Variants in BCCIP observed in about 807,000 individuals in gnomAD.
BCCIP encodes BRCA2 and CDKN1A-interacting protein.
A neutral mutation model predicts 32.8 loss-of-function variants in BCCIP; 23 were observed. The ratio of observed to expected loss-of-function variants is 0.70; its 90% CI spans 0.51 to 0.99. The LOEUF (loss-of-function observed/expected upper bound fraction) is 0.99, where lower values mean the gene tolerates loss of function less well. Ranked by LOEUF, BCCIP falls within the 50% of genes least tolerant of loss-of-function variation. BCCIP has a pLI of 0.00. For synonymous variants in BCCIP, 144 were observed against 137.6 expected (o/e 1.05, Z -0.33); for missense variants, 378 against 379.8 (o/e 1.00, Z 0.04).
intron 7 of BCCIP, among the ~76,000 whole-genome samples, chr10:125,850,394 G>C (rs1391442658): frequency 6.2e-5 from 5 of 81,160 alleles, no homozygotes; most frequent in Non-Finnish European, 1.2e-4. Flanking sequence ...TTTTGCTCTT[G>C]TTGCCCAGGC....
intron 6 of BCCIP, 36 bp from the exon 7 acceptor site, chr10:125,836,068 C>A: frequency 6.4e-7 from 1 of 1,564,554 alleles, no homozygotes; most frequent in Non-Finnish European, 8.8e-7. Context: ...TTTGGGTTGT[C>A]CCGATTTTTA....
exon 7 of BCCIP, chr10:125,841,736 A>C: frequency 6.2e-7 from 1 of 1,604,716 alleles, no homozygotes; most frequent in Non-Finnish European, 8.5e-7. Flanking sequence ...ATAGTCATTA[A>C]GGATACCTGT....
At chr10:125,828,468 A>G (rs1011723676) in intron 3 of BCCIP, among the ~76,000 whole-genome samples, 8 of 152,206 alleles carry the variant, frequency 5.3e-5, no homozygotes, top group Non-Finnish European at 1.0e-4. Context: ...GAGTAATATA[A>G]GTGGCAGAGC....
At chr10:125,836,051 T>A in intron 6 of BCCIP, 53 bp from the exon 7 acceptor site, 1 of 1,489,590 alleles carries the variant, frequency 6.7e-7, no homozygotes, top group Non-Finnish European at 9.3e-7. Context: ...ATCAAATGGG[T>A]TTTGTCTTTG....
chr10:125,838,960 T>C, downstream of BCCIP: 2 of 1,573,048 alleles, frequency 1.3e-6, no homozygotes, highest in Non-Finnish European at 1.7e-6. Flanking sequence ...GTATGTGCAA[T>C]TCAGCAGAGC....
rs187927472 is a variant in BCCIP, at chr10:125,825,997, G to A, written c.166-594G>A. 236 of 153,848 alleles carry A rather than the reference G, an allele frequency of 1.5e-3. 1 individual carries two copies. Among genetic ancestry groups the A allele is most frequent in the Non-Finnish European group, 2.7e-3 (186 of 69,440 alleles). 9.5% of individuals were successfully genotyped at this position (153,848 alleles called of 1,614,324 possible). On this transcript the variant is annotated intron_variant, in intron 1 of 6. Transcript: ENST00000278100. ...CCAGGAACTCTCTTTGCTGTTTCTC[G>A]GTTTCTTGCTCAAATGTCACTTCAA...
chr10:125,831,534 G>C lies in BCCIP; in HGVS notation c.526G>C (p.Val176Leu). The part of the protein sequence containing the change: ...DKFLNDTTKP[V>L]GLLLSERFIN... ...GTTTTTAAATGACACCACCAAGCCT[G>C]TGGGCCTTCTCCTAAGTGAAAGATT... Residue 176 changes from valine to leucine, a missense_variant, in exon 5 of 7, where the codon GTG becomes CTG. Coordinates refer to ENST00000278100, the MANE Select transcript of BCCIP (RefSeq NM_078468.3). 1 of 1,614,204 alleles carries C rather than the reference G, an allele frequency of 6.2e-7. No individual in the cohort carries two copies. The highest frequency in any genetic ancestry group is 8.5e-7 in the Non-Finnish European group (1 of 1,180,022).
chr10:125,840,054 A>C (rs1460424847), downstream of BCCIP, among the ~76,000 whole-genome samples: 1 of 152,162 alleles, frequency 6.6e-6, no homozygotes. Context: ...TATTTTTCAC[A>C]CTACTTCACA....
At chr10:125,824,264 C>G (rs1854293344) in intron 1 of BCCIP, among the ~76,000 whole-genome samples, 1 of 152,320 alleles carries the variant, frequency 6.6e-6, no homozygotes, top group South Asian at 2.1e-4. Flanking sequence ...GTGGGTAAAT[C>G]TTTGGTTTCA....
chr10:125,845,309 T>C (rs541422379), downstream of BCCIP, among the ~76,000 whole-genome samples: 3 of 152,368 alleles, frequency 2.0e-5, no homozygotes, highest in East Asian at 1.9e-4. Flanking sequence ...TCTTTTGTTA[T>C]AACAATCTTT....
At chr10:125,843,806 C>G (rs1854943134), downstream of BCCIP, among the ~76,000 whole-genome samples, 1 of 152,154 alleles carries the variant, frequency 6.6e-6, no homozygotes, top group Non-Finnish European at 1.5e-5. Context: ...GCCTGACGCG[C>G]CCACCACAGG....
At chr10:125,844,998 A>G (rs79633828), downstream of BCCIP, among the ~76,000 whole-genome samples, 446 of 152,298 alleles carry the variant, frequency 2.9e-3, 1 homozygote, top group African/African-American at 0.01. Flanking sequence ...CCCAAATGCC[A>G]AGCTCCAATA....
rs760826878 is a variant in BCCIP, at chr10:125,833,830, C to T, written c.658C>T (p.Leu220Phe). 3 of 1,614,198 alleles carry T rather than the reference C, an allele frequency of 1.9e-6. No individual in the cohort carries two copies. The highest frequency in any genetic ancestry group is 2.2e-5 in the South Asian group (2 of 91,082). The change falls in exon 6 of 7, where the codon CTT (leucine) becomes TTT (phenylalanine). Residue 220 changes from leucine (L) to phenylalanine (F), a missense_variant. Transcript: ENST00000278100. ...GCCATGTGGGAAGTGCTACTTTTAC[C>T]TTCTGATTAGTAAGACATTTGTGGA... ...NKPCGKCYFY[L>F]LISKTFVEAG... is the part of the protein sequence containing the mutation.
intron 7 of BCCIP, among the ~76,000 whole-genome samples, chr10:125,849,045 C>T (rs1257756211): frequency 6.6e-6 from 1 of 152,146 alleles, no homozygotes; most frequent in Non-Finnish European, 1.5e-5. Context: ...CCCAGTTTAC[C>T]CAGGGCAGTA....
chr10:125,851,935 A>AG (rs983906846), intron 7 of BCCIP, among the ~76,000 whole-genome samples: 3 of 151,502 alleles, frequency 2.0e-5, no homozygotes, highest in African/African-American at 7.3e-5. Context: ...AAAAAAAAAA[A>AG]AAAAAAGAAA....
intron 6 of BCCIP, among the ~76,000 whole-genome samples, chr10:125,834,540 C>T (rs182382313): frequency 2.2e-3 from 342 of 152,096 alleles, no homozygotes; most frequent in Non-Finnish European, 3.7e-3. Flanking sequence ...CGGTGGTGCA[C>T]ACCTGTAATC....
intron 1 of BCCIP, among the ~76,000 whole-genome samples, 169 bp downstream of exon 1, chr10:125,823,891 C>T (rs1025791421): frequency 5.3e-5 from 8 of 152,168 alleles, no homozygotes; most frequent in African/African-American, 1.9e-4. Flanking sequence ...ACACTGCAGC[C>T]ATAGTAGTTA....
downstream of BCCIP, among the ~76,000 whole-genome samples, chr10:125,837,551 C>T (rs1431916519): frequency 1.3e-5 from 2 of 152,168 alleles, no homozygotes; most frequent in Non-Finnish European, 2.9e-5. Context: ...CGCAGAATCT[C>T]AAGTAGCTGG....
downstream of BCCIP, among the ~76,000 whole-genome samples, chr10:125,847,065 A>T (rs1331822488): frequency 6.6e-6 from 1 of 152,202 alleles, no homozygotes; most frequent in Non-Finnish European, 1.5e-5. Flanking sequence ...TAGGGTTGGG[A>T]CTTGGGCATT....
Sources: allele counts gnomAD v4.1 joint callset (sites outside exome capture counted in the v4.1 genomes callset), GRCh38; gene constraint gnomAD v4.1.1; transcripts MANE v1.5; gene names NCBI Gene and HGNC (gene_info 2026-07-23, HGNC 2026-07-21).